The following CTNNA2 variants were observed in gnomAD, a reference collection of about 807,000 sequenced individuals.
The protein encoded by CTNNA2 is catenin alpha-2.
Under a neutral mutation model 101.0 loss-of-function variants are expected in CTNNA2, and 42 were observed. The ratio of observed to expected loss-of-function variants is 0.42; its 90% CI spans 0.32 to 0.54. CTNNA2 has a LOEUF of 0.54. CTNNA2 is among the 20% of genes least tolerant of loss of function. The pLI is 0.14. For synonymous variants in CTNNA2, 450 were observed against 456.4 expected (o/e 0.99, Z 0.18); for missense variants, 871 against 1,223.1 (o/e 0.71, Z 4.29).
At chr2:79,771,994 C>A (rs1281085742) in intron 3 of CTNNA2, among the ~76,000 whole-genome samples, 22 of 149,570 alleles carry the variant, frequency 1.5e-4, no homozygotes, top group African/African-American at 5.4e-4. Context: ...TAAGTTAACC[C>A]CCCCTCCTCC....
chr2:80,568,744 G>A (rs558848156), intron 12 of CTNNA2, among the ~76,000 whole-genome samples: 2 of 152,166 alleles, frequency 1.3e-5, no homozygotes, highest in African/African-American at 4.8e-5. Flanking sequence ...AGACGAGTAT[G>A]TACATTTCAG....
At chr2:80,334,168 C>T (rs1671583323) in intron 7 of CTNNA2, among the ~76,000 whole-genome samples, 2 of 152,344 alleles carry the variant, frequency 1.3e-5, no homozygotes, top group South Asian at 4.1e-4. Context: ...CCTCCCTAAT[C>T]TAGGCCACTG....
chr2:80,328,368 G>A (rs1466206084), intron 7 of CTNNA2: 1 of 470,938 alleles, frequency 2.1e-6, no homozygotes, highest in Non-Finnish European at 4.4e-6. Flanking sequence ...GCATGTTTGT[G>A]TGTGGCAGGA....
At chr2:80,161,125 A>G (rs186418492) in intron 7 of CTNNA2, among the ~76,000 whole-genome samples, 17 of 151,346 alleles carry the variant, frequency 1.1e-4, no homozygotes, top group African/African-American at 4.1e-4. Context: ...GCTCACTGAA[A>G]CCTCCCCGCC....
chr2:79,321,202 A>G (rs576451844), intron 3 of CTNNA2, among the ~76,000 whole-genome samples: 12 of 152,292 alleles, frequency 7.9e-5, no homozygotes, highest in African/African-American at 2.9e-4. Context: ...CATTTTTCAG[A>G]ACAATAACTA....
chr2:79,982,366 C>CCT (rs1164835404), intron 7 of CTNNA2, among the ~76,000 whole-genome samples: 16 of 121,828 alleles, frequency 1.3e-4, no homozygotes, highest in African/African-American at 4.3e-4. Flanking sequence ...ACCTATATAA[C>CCT]ATATATATAA....
chr2:80,556,169 C>A (rs1010241826), intron 12 of CTNNA2, among the ~76,000 whole-genome samples: 3 of 152,112 alleles, frequency 2.0e-5, no homozygotes, highest in Admixed American at 6.5e-5. Flanking sequence ...TTTCTGCTTA[C>A]TTAATTATCT....
chr2:80,337,083 C>T (rs547065608), intron 7 of CTNNA2, among the ~76,000 whole-genome samples: 2 of 152,242 alleles, frequency 1.3e-5, no homozygotes, highest in Admixed American at 6.5e-5. Context: ...GAGCTGGGCA[C>T]GGTGGCTTAC....
At chr2:80,174,882 C>G (rs1705297152) in intron 7 of CTNNA2, among the ~76,000 whole-genome samples, 1 of 152,174 alleles carries the variant, frequency 6.6e-6, no homozygotes, top group South Asian at 2.1e-4. Context: ...CCTGGACCAC[C>G]ATACAGCCTC....
intron 2 of CTNNA2, among the ~76,000 whole-genome samples, chr2:79,299,127 A>C (rs1430056286): frequency 6.6e-6 from 1 of 152,178 alleles, no homozygotes; most frequent in African/African-American, 2.4e-5. Flanking sequence ...AGCTTTCCCC[A>C]AGTGGATACA....
intron 2 of CTNNA2, among the ~76,000 whole-genome samples, chr2:79,683,699 T>G (rs1293322255): frequency 6.6e-6 from 1 of 151,860 alleles, no homozygotes; most frequent in Non-Finnish European, 1.5e-5. Flanking sequence ...TCATTGTCAA[T>G]TTTTTGAAGT....
chr2:80,176,543 C>T (rs1410421907), intron 7 of CTNNA2, among the ~76,000 whole-genome samples: 1 of 152,208 alleles, frequency 6.6e-6, no homozygotes, highest in Admixed American at 6.5e-5. Context: ...GCAATCTCCT[C>T]AGCAGGTCGT....
intron 7 of CTNNA2, among the ~76,000 whole-genome samples, chr2:80,338,259 G>T (rs1289409943): frequency 6.6e-6 from 1 of 151,236 alleles, no homozygotes; most frequent in Non-Finnish European, 1.5e-5. Context: ...AAAGTGCTGG[G>T]ATTACTGGCA....
chr2:80,282,869 G>A (rs1400223971), intron 7 of CTNNA2, among the ~76,000 whole-genome samples: 1 of 150,880 alleles, frequency 6.6e-6, no homozygotes, highest in Non-Finnish European at 1.5e-5. Flanking sequence ...GATGGTTCAA[G>A]TTTTTTTTTC....
At chr2:80,454,365 G>C (rs1247475766) in intron 9 of CTNNA2, among the ~76,000 whole-genome samples, 1 of 152,130 alleles carries the variant, frequency 6.6e-6, no homozygotes, top group Admixed American at 6.5e-5. Context: ...GTTCACCTCG[G>C]GAGTTCTGGG....
At chr2:79,806,434 T>A (rs562930702) in intron 3 of CTNNA2, among the ~76,000 whole-genome samples, 1 of 152,150 alleles carries the variant, frequency 6.6e-6, no homozygotes, top group African/African-American at 2.4e-5. Flanking sequence ...AAATAGAGAA[T>A]GAAGTTTTAT....
chr2:80,037,928 T>C (rs890526005), intron 7 of CTNNA2, among the ~76,000 whole-genome samples: 4 of 152,230 alleles, frequency 2.6e-5, no homozygotes, highest in African/African-American at 9.6e-5. Flanking sequence ...GAATGATGTG[T>C]GAAATATAGT....
At chr2:79,921,698 A>G (rs933051799) in intron 7 of CTNNA2, among the ~76,000 whole-genome samples, 2 of 152,222 alleles carry the variant, frequency 1.3e-5, no homozygotes, top group African/African-American at 4.8e-5. Context: ...TTAACAGCTT[A>G]ATTGCTGACT....
At chr2:80,533,331 C>G (rs1038098788) in intron 9 of CTNNA2, among the ~76,000 whole-genome samples, 5 of 151,926 alleles carry the variant, frequency 3.3e-5, no homozygotes, top group Admixed American at 6.6e-5. Flanking sequence ...GCATCCCCTC[C>G]GCAAAAAAAA....
Sources: gnomAD v4.1 joint callset for allele counts (sites outside exome capture counted in the v4.1 genomes callset) on GRCh38, gnomAD v4.1.1 for gene constraint, MANE v1.5 for transcripts, NCBI Gene and HGNC (gene_info 2026-07-23, HGNC 2026-07-21) for gene names.